KHDRBS2: variants seen among roughly 807,000 people sequenced by gnomAD.
KHDRBS2 encodes the protein KH RNA binding domain containing, signal transduction associated 2, also known as KH domain-containing, RNA-binding, signal transduction-associated protein 2.
A neutral mutation model predicts 44.3 loss-of-function variants in KHDRBS2; 26 were observed. That is an observed-to-expected ratio of 0.59 (90% CI 0.43 to 0.81). The LOEUF (loss-of-function observed/expected upper bound fraction) is 0.81. Ranked by LOEUF, KHDRBS2 falls within the 40% of genes least tolerant of loss-of-function variation. KHDRBS2 has a pLI of 0.00. For missense variants in KHDRBS2, 476 were observed against 433.1 expected (o/e 1.10, Z -0.88); for synonymous variants, 194 against 151.1 (o/e 1.28, Z -2.08).
chr6:61,675,609 T>C (rs1045377538), downstream of KHDRBS2, among the ~76,000 whole-genome samples: 10 of 151,816 alleles, frequency 6.6e-5, no homozygotes, highest in African/African-American at 2.4e-4. Flanking sequence ...CTCAGGGCAC[T>C]ATAAGACCTC....
chr6:62,078,838 C>T (rs910664521), intron 2 of KHDRBS2, among the ~76,000 whole-genome samples: 79 of 151,970 alleles, frequency 5.2e-4, no homozygotes, highest in African/African-American at 1.8e-3. Context: ...ACTTCAGAGA[C>T]AATCAATATG....
the KHDRBS2 span, among the ~76,000 whole-genome samples, chr6:61,622,384 C>T: frequency 6.6e-6 from 1 of 152,246 alleles, no homozygotes; most frequent in African/African-American, 2.4e-5. Context: ...TAGAAACATG[C>T]TGAACCTGAC....
intron 4 of KHDRBS2, among the ~76,000 whole-genome samples, chr6:61,907,433 G>T (rs573710827): frequency 6.6e-6 from 1 of 152,112 alleles, no homozygotes; most frequent in African/African-American, 2.4e-5. Context: ...ATCCATTTTT[G>T]TTTTAGTTGC....
At chr6:62,109,268 G>A (rs1804418071) in intron 2 of KHDRBS2, among the ~76,000 whole-genome samples, 1 of 151,864 alleles carries the variant, frequency 6.6e-6, no homozygotes, top group Non-Finnish European at 1.5e-5. Context: ...AGATGCTGAT[G>A]AAACATTTGA....
intron 1 of KHDRBS2, among the ~76,000 whole-genome samples, chr6:62,209,585 A>G (rs1828663815): frequency 6.6e-6 from 1 of 152,140 alleles, no homozygotes; most frequent in Non-Finnish European, 1.5e-5. Flanking sequence ...TGCCAACTTG[A>G]TTATATTGAA....
chr6:62,146,503 AC>A (rs1051524395), intron 2 of KHDRBS2, among the ~76,000 whole-genome samples: 2 of 151,710 alleles, frequency 1.3e-5, no homozygotes, highest in African/African-American at 4.8e-5. Flanking sequence ...TCCCTTACAT[AC>A]TTGTCAATTT....
At chr6:62,049,182 A>G (rs1027046387) in intron 2 of KHDRBS2, among the ~76,000 whole-genome samples, 3 of 152,004 alleles carry the variant, frequency 2.0e-5, no homozygotes, top group African/African-American at 2.4e-5. Flanking sequence ...ATGCCCAAAA[A>G]GACTATACAT....
intron 6 of KHDRBS2, among the ~76,000 whole-genome samples, chr6:61,892,221 A>G (rs1801975271): frequency 6.6e-6 from 1 of 152,148 alleles, no homozygotes; most frequent in Non-Finnish European, 1.5e-5. Flanking sequence ...TTCAAGGAGA[A>G]CTACAAACCA....
At chr6:62,275,302 G>A (rs1170810520) in intron 1 of KHDRBS2, among the ~76,000 whole-genome samples, 1 of 151,952 alleles carries the variant, frequency 6.6e-6, no homozygotes, top group Non-Finnish European at 1.5e-5. Context: ...CATACCAAAT[G>A]TTCTTTCATC....
chr6:61,750,046 TA>T (rs1333766724), intron 6 of KHDRBS2, among the ~76,000 whole-genome samples: 1 of 152,086 alleles, frequency 6.6e-6, no homozygotes, highest in Non-Finnish European at 1.5e-5. Context: ...TTTAAGAATA[TA>T]AAGGATCACT....
chr6:62,261,940 C>T (rs1838414393), intron 1 of KHDRBS2, among the ~76,000 whole-genome samples: 1 of 151,656 alleles, frequency 6.6e-6, no homozygotes, highest in South Asian at 2.1e-4. Context: ...TGGTAGTTTT[C>T]ATTTGTGGCA....
chr6:62,094,028 T>G (rs1800045370), intron 2 of KHDRBS2, among the ~76,000 whole-genome samples: 1 of 151,942 alleles, frequency 6.6e-6, no homozygotes, highest in Non-Finnish European at 1.5e-5. Context: ...TTTTATTTCT[T>G]TTGGATATAA....
intron 2 of KHDRBS2, among the ~76,000 whole-genome samples, chr6:62,055,504 TA>T (rs957293635): frequency 3.9e-5 from 6 of 151,974 alleles, no homozygotes; most frequent in African/African-American, 1.4e-4. Flanking sequence ...AATACAACCA[TA>T]ATGGCAGTGT....
At position 61,894,535 on chromosome 6, in the gene KHDRBS2, C is replaced by T; in HGVS notation, c.810+100G>A. ...AAATGACATTCGTTTCTGCAACAAA[C>T]ATTACCTGCTATATTCACGGTATAT... is the stretch of plus-strand genomic sequence containing the variant. On this transcript the variant is annotated intron_variant, in intron 6 of 8. Transcript: ENST00000281156. 2.1e-5 allele frequency: 19 copies of T among 915,234 alleles called. No individual in the cohort carries two copies. The South Asian group carries it at 3.0e-4, about 15-fold the overall frequency. The allele number at this position is 915,234 out of a possible 1,614,324, so 56.7% of individuals were successfully genotyped here. A position where few individuals can be genotyped will look rare whatever the true frequency, so the allele number is the denominator to read the frequency against.
chr6:62,015,260 A>C (rs989493873), intron 3 of KHDRBS2, among the ~76,000 whole-genome samples: 5 of 152,300 alleles, frequency 3.3e-5, no homozygotes, highest in African/African-American at 1.2e-4. Context: ...TATTTATACA[A>C]TTTGATTTTT....
chr6:61,559,028 TC>T, the KHDRBS2 span, among the ~76,000 whole-genome samples: 1 of 152,174 alleles, frequency 6.6e-6, no homozygotes, highest in Non-Finnish European at 1.5e-5. Flanking sequence ...AGTCTCCAGT[TC>T]TTTTTATGAT....
chr6:61,989,337 C>T (rs112257275), intron 3 of KHDRBS2, among the ~76,000 whole-genome samples: 196 of 152,278 alleles, frequency 1.3e-3, no homozygotes, highest in African/African-American at 3.7e-3. Context: ...TTGTGGATGT[C>T]TTGTTCCAAG....
intron 4 of KHDRBS2, among the ~76,000 whole-genome samples, chr6:61,932,128 T>C (rs1049528494): frequency 3.9e-5 from 6 of 152,184 alleles, no homozygotes; most frequent in Non-Finnish European, 8.8e-5. Context: ...GTTAAGTTTT[T>C]GGAGAGTCAA....
intron 6 of KHDRBS2, among the ~76,000 whole-genome samples, chr6:61,846,731 A>G (rs1347072617): frequency 6.6e-6 from 1 of 152,106 alleles, no homozygotes; most frequent in Admixed American, 6.6e-5. Context: ...AACTCCAAAA[A>G]AGAAACACTG....
Sources: allele counts gnomAD v4.1 joint callset (sites outside exome capture counted in the v4.1 genomes callset), GRCh38; gene constraint gnomAD v4.1.1; transcripts MANE v1.5; gene names NCBI Gene and HGNC (gene_info 2026-07-23, HGNC 2026-07-21).